Variants in GAS7 observed in about 807,000 individuals in gnomAD.
The protein encoded by GAS7 is growth arrest-specific protein 7.
Under a neutral mutation model 71.1 loss-of-function variants are expected in GAS7, and 28 were observed. That is an observed-to-expected ratio of 0.39 (90% CI 0.29 to 0.54). The LOEUF (loss-of-function observed/expected upper bound fraction) is 0.54, where lower values mean the gene tolerates loss of function less well. Among genes scored for constraint, GAS7 ranks in the 20% least tolerant of loss-of-function variants. The pLI is 0.62. For synonymous variants in GAS7, 258 were observed against 245.8 expected, an observed-to-expected ratio of 1.05 and a Z score of -0.46; for missense variants, 436 against 627.8, an observed-to-expected ratio of 0.69 and a Z score of 3.27.
chr17:10,104,486 A>G (rs2073738526), intron 1 of GAS7, among the ~76,000 whole-genome samples: 1 of 152,080 alleles, frequency 6.6e-6, no homozygotes, highest in South Asian at 2.1e-4. Context: ...TCTATTCCCA[A>G]TGACTCTAAA....
chr17:10,190,733 G>A (rs1226304181), intron 1 of GAS7, among the ~76,000 whole-genome samples: 1 of 152,066 alleles, frequency 6.6e-6, no homozygotes, highest in Admixed American at 6.6e-5. Flanking sequence ...TTTAGAGCAG[G>A]GGTGTCCAAT....
intron 1 of GAS7, among the ~76,000 whole-genome samples, chr17:10,142,979 T>C (rs552460126): frequency 7.9e-4 from 118 of 148,890 alleles, no homozygotes; most frequent in Middle Eastern, 3.5e-3. Flanking sequence ...GAGACCAGCC[T>C]GGCCAACATG....
intron 1 of GAS7, among the ~76,000 whole-genome samples, chr17:10,113,606 G>T (rs1013664725): frequency 6.6e-6 from 1 of 152,170 alleles, no homozygotes; most frequent in South Asian, 2.1e-4. Flanking sequence ...CACAGAGATC[G>T]CATTTTTCCG....
At chr17:9,999,730 C>T (rs1400813361) in intron 2 of GAS7, among the ~76,000 whole-genome samples, 2 of 152,176 alleles carry the variant, frequency 1.3e-5, no homozygotes, top group Non-Finnish European at 2.9e-5. Context: ...AAGTCCTTAT[C>T]ATGAACCAGC....
At chr17:10,009,109 A>C (rs1035675285) in intron 2 of GAS7, among the ~76,000 whole-genome samples, 2 of 151,916 alleles carry the variant, frequency 1.3e-5, no homozygotes, top group African/African-American at 4.8e-5. Context: ...TCACGAGGTC[A>C]GGAGATCGAG....
intron 1 of GAS7, among the ~76,000 whole-genome samples, chr17:10,070,939 G>A (rs1407648745): frequency 6.6e-6 from 1 of 150,784 alleles, no homozygotes; most frequent in Non-Finnish European, 1.5e-5. Flanking sequence ...ATTAAAAATG[G>A]ACAAAATAGC....
intron 6 of GAS7, among the ~76,000 whole-genome samples, chr17:9,945,808 T>C (rs1205084482): frequency 2.0e-5 from 3 of 151,736 alleles, no homozygotes; most frequent in Admixed American, 6.6e-5. Flanking sequence ...CTGTCTCTAT[T>C]AAAAAAATAA....
At chr17:10,085,456 G>T (rs2152253440) in intron 1 of GAS7, among the ~76,000 whole-genome samples, 1 of 152,236 alleles carries the variant, frequency 6.6e-6, no homozygotes, top group Middle Eastern at 3.4e-3. Context: ...GGCCGAGGCG[G>T]GCGGATCACG....
intron 1 of GAS7, among the ~76,000 whole-genome samples, chr17:10,100,773 A>G (rs1019962955): frequency 2.0e-5 from 3 of 152,200 alleles, no homozygotes; most frequent in Admixed American, 1.3e-4. Flanking sequence ...GAAAGTTTTT[A>G]GAGTCAGAAA....
chr17:10,164,150 A>G (rs569723245), intron 1 of GAS7, among the ~76,000 whole-genome samples: 8 of 152,140 alleles, frequency 5.3e-5, no homozygotes, highest in Non-Finnish European at 8.8e-5. Flanking sequence ...AGGATTAGGA[A>G]TATGGCCATG....
chr17:10,005,683 TC>T (rs1430402454), intron 2 of GAS7, among the ~76,000 whole-genome samples: 1 of 152,196 alleles, frequency 6.6e-6, no homozygotes, highest in Non-Finnish European at 1.5e-5. Context: ...AGCACTGTGT[TC>T]ACAGAATGGA....
chr17:10,022,581 A>C (rs1348246052), intron 1 of GAS7, among the ~76,000 whole-genome samples: 1 of 152,200 alleles, frequency 6.6e-6, no homozygotes. Flanking sequence ...CTGACTCACC[A>C]GGCTATTCTC....
intron 2 of GAS7, among the ~76,000 whole-genome samples, chr17:10,008,796 C>CG (rs372840819): frequency 2.2e-4 from 34 of 152,214 alleles, no homozygotes; most frequent in African/African-American, 7.2e-4. Context: ...CACACACACA[C>CG]GCACACACGC....
chr17:9,918,139 CCCT>C, intron 12 of GAS7, 40 bp from the exon 13 acceptor site: 1 of 1,469,526 alleles, frequency 6.8e-7, no homozygotes, highest in Non-Finnish European at 9.5e-7. Flanking sequence ...TGAGCACGTC[CCCT>C]CCACTTGGGG....
chr17:10,181,652 T>C (rs1168170878), intron 1 of GAS7, among the ~76,000 whole-genome samples: 1 of 152,100 alleles, frequency 6.6e-6, no homozygotes, highest in African/African-American at 2.4e-5. Context: ...CATGGTATAT[T>C]GTAAAGGCAA....
intron 1 of GAS7, 131 bp downstream of exon 1, chr17:10,198,077 G>C (rs2074553877): frequency 8.7e-6 from 7 of 800,502 alleles, no homozygotes; most frequent in African/African-American, 1.8e-5. Flanking sequence ...TACAGGTAGC[G>C]CCGGCAAGGG....
At position 9,946,951 on chromosome 17, in the gene GAS7, C is replaced by T. The variant is rs773453801; in HGVS notation, c.558G>A (p.Thr186=). The part of the protein sequence containing the change: ...INCVTFPHPD[T]MPEQQLLKPT... ...GTTTCAGCAGCTGCTGTTCCGGCATCGTGTCTGGGTGAGGGAACGTCACAC... is the reference window on the plus strand; with the variant it reads ...GTTTCAGCAGCTGCTGTTCCGGCATTGTGTCTGGGTGAGGGAACGTCACAC... The change falls in exon 6 of 14, where the codon ACG becomes ACA. Residue 186 remains threonine, a synonymous_variant. Coordinates refer to ENST00000432992, the MANE Select transcript of GAS7 (RefSeq NM_201433.2). 4.1e-5 allele frequency: 66 copies of T among 1,613,136 alleles called. No individual in the cohort carries two copies. Among genetic ancestry groups the T allele is most frequent in the South Asian group, 1.4e-4 (13 of 91,058 alleles).
At chr17:9,984,449 C>T (rs2070557472) in intron 2 of GAS7, among the ~76,000 whole-genome samples, 1 of 152,150 alleles carries the variant, frequency 6.6e-6, no homozygotes, top group South Asian at 2.1e-4. Context: ...ATCTGGAAAG[C>T]AGAGACGGTG....
At chr17:9,993,109 G>T (rs1268385373) in intron 2 of GAS7, among the ~76,000 whole-genome samples, 3 of 151,738 alleles carry the variant, frequency 2.0e-5, no homozygotes, top group African/African-American at 7.3e-5. Context: ...TAGTCCTTTG[G>T]GTATATACCC....
Sources: gnomAD v4.1 joint callset for allele counts (sites outside exome capture counted in the v4.1 genomes callset) on GRCh38, gnomAD v4.1.1 for gene constraint, MANE v1.5 for transcripts, NCBI Gene and HGNC (gene_info 2026-07-23, HGNC 2026-07-21) for gene names.